Variants in GOLM1 observed in about 807,000 individuals in gnomAD.
The protein encoded by GOLM1 is golgi membrane protein 1, also known as epididymis luminal protein 46.
Under a neutral mutation model 50.5 loss-of-function variants are expected in GOLM1, and 31 were observed. The ratio of observed to expected loss-of-function variants is 0.61; its 90% CI spans 0.46 to 0.83. The LOEUF (loss-of-function observed/expected upper bound fraction) is 0.83, where lower values mean the gene tolerates loss of function less well. Among genes scored for constraint, GOLM1 ranks in the 40% least tolerant of loss-of-function variants. GOLM1 has a pLI of 0.00. For missense variants in GOLM1, 491 were observed against 501.3 expected (o/e 0.98, Z 0.20); for synonymous variants, 178 against 192.8 (o/e 0.92, Z 0.64).
chr9:86,079,335 T>G lies in GOLM1; in HGVS notation c.-15A>C. On this transcript the variant is annotated 5_prime_UTR_variant, in exon 2 of 10. Coordinates refer to ENST00000388712, the MANE Select transcript of GOLM1 (RefSeq NM_016548.4). Reference sequence around the variant, plus strand: ...AAGCCCATCATCTCAAAATCAGCGCTGAGAATCTGCCAAGTAAAAGCAAAT... The same window carrying G: ...AAGCCCATCATCTCAAAATCAGCGCGGAGAATCTGCCAAGTAAAAGCAAAT... 6.4e-7 allele frequency: 1 copy of G among 1,571,468 alleles called. No homozygotes were observed. The highest frequency in any genetic ancestry group is 2.0e-5 in the Admixed American group (1 of 50,108).
chr9:86,063,395 G>A (rs918297745), intron 3 of GOLM1, among the ~76,000 whole-genome samples: 1 of 152,170 alleles, frequency 6.6e-6, no homozygotes. Context: ...GCTCCCACCT[G>A]CGGAAGAGGA....
chr9:86,057,711 G>A (rs1050860118), intron 3 of GOLM1, among the ~76,000 whole-genome samples: 4 of 152,210 alleles, frequency 2.6e-5, no homozygotes, highest in African/African-American at 9.6e-5. Flanking sequence ...TGAGCGTGGA[G>A]GGCAAGAAGG....
At chr9:86,051,079 AT>A (rs1441996407) in intron 4 of GOLM1, among the ~76,000 whole-genome samples, 1 of 152,050 alleles carries the variant, frequency 6.6e-6, no homozygotes, top group Non-Finnish European at 1.5e-5. Context: ...GTTCTCATTG[AT>A]TTCAAATAAC....
chr9:86,075,853 A>C (rs1834594826), intron 3 of GOLM1, among the ~76,000 whole-genome samples: 1 of 152,186 alleles, frequency 6.6e-6, no homozygotes, highest in African/African-American at 2.4e-5. Context: ...CAGTAAGAAA[A>C]GGGAAGAAAC....
chr9:86,039,722 C>T (rs545146037), intron 6 of GOLM1, among the ~76,000 whole-genome samples: 13 of 152,266 alleles, frequency 8.5e-5, no homozygotes, highest in African/African-American at 2.9e-4. Context: ...AATCCCAGCA[C>T]TTTGGGAGGC....
chr9:86,074,471 C>G (rs1834549378), intron 3 of GOLM1, among the ~76,000 whole-genome samples: 2 of 152,222 alleles, frequency 1.3e-5, no homozygotes, highest in South Asian at 4.1e-4. Context: ...CTGACCAACT[C>G]AAGCCCATCT....
At chr9:86,036,562 G>A (rs933119344) in intron 6 of GOLM1, 55 bp from the exon 7 acceptor site, 118 of 1,574,280 alleles carry the variant, frequency 7.5e-5, no homozygotes, top group African/African-American at 1.5e-4. Context: ...AACAGAAGCC[G>A]TAAAAGAATC....
At chr9:86,054,467 G>A (rs1182464648) in intron 3 of GOLM1, among the ~76,000 whole-genome samples, 2 of 152,012 alleles carry the variant, frequency 1.3e-5, no homozygotes, top group South Asian at 2.1e-4. Flanking sequence ...CAAGTGATTC[G>A]GCCGCCTTGG....
intron 3 of GOLM1, among the ~76,000 whole-genome samples, chr9:86,068,008 AAAATAAAT>A (rs1000982583): frequency 1.3e-5 from 2 of 152,084 alleles, no homozygotes; most frequent in East Asian, 1.9e-4. Flanking sequence ...CTCCGTCTCA[AAAATAAAT>A]AAATAAATAA....
intron 8 of GOLM1, chr9:86,034,989 C>G (rs971561333): frequency 2.0e-6 from 2 of 984,574 alleles, no homozygotes; most frequent in Non-Finnish European, 2.4e-6. Flanking sequence ...TTCATTCATT[C>G]ACTAGGCACT....
rs576192759 is a variant in GOLM1 at position 86,089,859 on chromosome 9, C to A, written c.-22+9552G>T. On this transcript the variant is annotated intron_variant, in intron 1 of 9. Transcript: ENST00000388712. ...CATTCTGGTTTTTGGAATTTTCAGC[C>A]TTTTTGTGCAGGTTTTTCCTCATCT... is the stretch of plus-strand genomic sequence containing the variant. Among the ~76,000 whole-genome samples the A allele has an allele frequency of 3.9e-5, 6 of 152,262 alleles. No individual in the cohort carries two copies. In the East Asian group the frequency reaches 9.6e-4, roughly 24 times the overall value.
At chr9:86,036,160 G>A (rs574350851) in intron 7 of GOLM1, among the ~76,000 whole-genome samples, 188 bp downstream of exon 7, 2 of 152,144 alleles carry the variant, frequency 1.3e-5, no homozygotes, top group Admixed American at 6.5e-5. Context: ...AAGGCACTTC[G>A]TTTACAAGGA....
At chr9:86,044,709 T>A (rs746471155) in intron 5 of GOLM1, among the ~76,000 whole-genome samples, 2 of 152,170 alleles carry the variant, frequency 1.3e-5, no homozygotes, top group Non-Finnish European at 2.9e-5. Context: ...CCCAGCACTT[T>A]GAGAGGCGAA....
intron 9 of GOLM1, among the ~76,000 whole-genome samples, chr9:86,028,450 T>C (rs1832856245): frequency 6.6e-6 from 1 of 152,170 alleles, no homozygotes; most frequent in Non-Finnish European, 1.5e-5. Flanking sequence ...CTATCCCCCT[T>C]CTGGCTCCCC....
At chr9:86,043,085 A>C (rs966012723) in intron 5 of GOLM1, among the ~76,000 whole-genome samples, 43 of 152,154 alleles carry the variant, frequency 2.8e-4, no homozygotes, top group African/African-American at 9.9e-4. Flanking sequence ...AGGGCAGGTG[A>C]TCCCATCACC....
At chr9:86,075,031 G>C (rs1227228453) in intron 3 of GOLM1, among the ~76,000 whole-genome samples, 2 of 152,196 alleles carry the variant, frequency 1.3e-5, no homozygotes, top group Non-Finnish European at 2.9e-5. Flanking sequence ...CTCTGGGAGA[G>C]TCAAGCCCTC....
chr9:86,072,277 T>C (rs1418907439), intron 3 of GOLM1, among the ~76,000 whole-genome samples: 1 of 152,208 alleles, frequency 6.6e-6, no homozygotes, highest in East Asian at 1.9e-4. Flanking sequence ...CTTTAAATAA[T>C]ATCTGGGTGA....
intron 3 of GOLM1, among the ~76,000 whole-genome samples, chr9:86,056,739 C>A (rs544334499): frequency 6.6e-6 from 1 of 151,924 alleles, no homozygotes; most frequent in Non-Finnish European, 1.5e-5. Flanking sequence ...CTCCTGACCT[C>A]GTGATCTGCT....
chr9:86,036,597 A>G (rs1833154858), intron 6 of GOLM1, 90 bp from the exon 7 acceptor site: 9 of 1,299,066 alleles, frequency 6.9e-6, no homozygotes, highest in Non-Finnish European at 9.6e-6. Flanking sequence ...AATCCCACCA[A>G]TCCCACCACC....
Sources: gnomAD v4.1 joint callset for allele counts (sites outside exome capture counted in the v4.1 genomes callset) on GRCh38, gnomAD v4.1.1 for gene constraint, MANE v1.5 for transcripts, NCBI Gene and HGNC (gene_info 2026-07-23, HGNC 2026-07-21) for gene names.